The following ZFP2 variants were observed in gnomAD, a reference collection of about 807,000 sequenced individuals.
ZFP2 encodes the protein ZFP2 zinc finger protein, also known as zinc finger protein ZFP2.
In ZFP2, 33 loss-of-function variants were observed where a neutral mutation model predicts 36.1. That is an observed-to-expected ratio of 0.92 (90% CI 0.69 to 1.22). The LOEUF (loss-of-function observed/expected upper bound fraction) is 1.22, where lower values mean the gene tolerates loss of function less well. ZFP2 is among the 50% of genes most tolerant of loss of function. ZFP2 has a pLI of 0.00. For missense variants in ZFP2, 522 were observed against 551.4 expected (o/e 0.95, Z 0.53); for synonymous variants, 170 against 178.0 (o/e 0.96, Z 0.36).
intron 1 of ZFP2, chr5:178,910,588 G>C: frequency 2.2e-6 from 1 of 461,430 alleles, no homozygotes; most frequent in South Asian, 1.8e-5. Context: ...TCTTACACTT[G>C]GTGACACACT....
intron 1 of ZFP2, among the ~76,000 whole-genome samples, chr5:178,904,602 T>G (rs1758128393): frequency 6.6e-6 from 1 of 150,824 alleles, no homozygotes; most frequent in African/African-American, 2.4e-5. Flanking sequence ...TTTTTAAAAT[T>G]TATATATATG....
rs1007929077 is a variant in ZFP2, at chr5:178,931,453, G to A, written c.140G>A (p.Gly47Glu). 1.2e-6 allele frequency: 2 copies of A among 1,614,010 alleles called. No homozygotes were observed. Among genetic ancestry groups the A allele is most frequent in the South Asian group, 1.1e-5 (1 of 91,084 alleles). ...KETFTEMRVC[G>E]GNEFERCSSQ... ...ACCTTCACTGAGATGAGAGTATGTGGAGGTAATGAATTTGAAAGATGTTCC... is the reference window on the plus strand; with the variant it reads ...ACCTTCACTGAGATGAGAGTATGTGAAGGTAATGAATTTGAAAGATGTTCC... The change falls in exon 5 of 5, where the codon GGA (glycine) becomes GAA (glutamate). Residue 47 changes from glycine (G) to glutamate (E), a missense_variant. Coordinates refer to ENST00000361362, the MANE Select transcript of ZFP2 (RefSeq NM_030613.4).
At chr5:178,915,203 G>A (rs1758393762) in intron 3 of ZFP2, among the ~76,000 whole-genome samples, 2 of 151,610 alleles carry the variant, frequency 1.3e-5, no homozygotes, top group Non-Finnish European at 2.9e-5. Context: ...TTGTCATTCT[G>A]GTGGGTTTTC....
At chr5:178,897,643 AAT>A (rs768354565) in intron 1 of ZFP2, among the ~76,000 whole-genome samples, 2 of 152,154 alleles carry the variant, frequency 1.3e-5, no homozygotes, top group African/African-American at 4.8e-5. Flanking sequence ...TCTTGAATGA[AAT>A]ATATATATAC....
At chr5:178,907,365 T>C (rs1758187896) in intron 1 of ZFP2, among the ~76,000 whole-genome samples, 1 of 151,340 alleles carries the variant, frequency 6.6e-6, no homozygotes, top group African/African-American at 2.4e-5. Context: ...ATATTTTATA[T>C]ATGTATATAT....
chr5:178,914,604 A>G (rs1384168254), intron 3 of ZFP2, among the ~76,000 whole-genome samples: 1 of 152,038 alleles, frequency 6.6e-6, no homozygotes, highest in Non-Finnish European at 1.5e-5. Flanking sequence ...ACAGCAGGCA[A>G]AGTGTTTTTG....
At chr5:178,907,261 C>T (rs1561679037) in intron 1 of ZFP2, among the ~76,000 whole-genome samples, 1 of 152,058 alleles carries the variant, frequency 6.6e-6, no homozygotes, top group Non-Finnish European at 1.5e-5. Flanking sequence ...AGGCAGCTCC[C>T]TCTTTTATGG....
intron 1 of ZFP2, among the ~76,000 whole-genome samples, chr5:178,903,324 T>C (rs1331814650): frequency 6.6e-6 from 1 of 152,220 alleles, no homozygotes; most frequent in East Asian, 1.9e-4. Flanking sequence ...TTAAATTTAA[T>C]ATTTTTTTGA....
chr5:178,930,229 C>A (rs1478091026), intron 4 of ZFP2, among the ~76,000 whole-genome samples: 2 of 151,586 alleles, frequency 1.3e-5, no homozygotes, highest in Non-Finnish European at 2.9e-5. Context: ...CCAAACTATA[C>A]CACCTAGATT....
At chr5:178,929,953 G>GGGGC (rs1758789148) in intron 4 of ZFP2, among the ~76,000 whole-genome samples, 1 of 146,050 alleles carries the variant, frequency 6.8e-6, no homozygotes. Context: ...GGGGGGGGGG[G>GGGGC]CTCAGGAGGC....
intron 4 of ZFP2, among the ~76,000 whole-genome samples, chr5:178,921,436 G>A: frequency 7.8e-6 from 1 of 128,624 alleles, no homozygotes; most frequent in Non-Finnish European, 1.9e-5. Flanking sequence ...ACCCTTCTTG[G>A]GACCACAGAT....
intron 4 of ZFP2, among the ~76,000 whole-genome samples, chr5:178,928,028 C>T (rs976186920): frequency 6.6e-6 from 1 of 151,700 alleles, no homozygotes; most frequent in Non-Finnish European, 1.5e-5. Context: ...AGGTGCTACA[C>T]ACTTTTAAGT....
At chr5:178,899,899 A>G (rs1758020859) in intron 1 of ZFP2, among the ~76,000 whole-genome samples, 1 of 151,938 alleles carries the variant, frequency 6.6e-6, no homozygotes, top group African/African-American at 2.4e-5. Flanking sequence ...TCACTTGTTT[A>G]TTTATTAGAG....
chr5:178,912,377 T>C (rs1041147532), intron 1 of ZFP2, among the ~76,000 whole-genome samples: 1 of 152,162 alleles, frequency 6.6e-6, no homozygotes, highest in South Asian at 2.1e-4. Context: ...TCCTTATTTC[T>C]CACTTATACC....
At chr5:178,920,032 A>G (rs548084968) in intron 4 of ZFP2, among the ~76,000 whole-genome samples, 6 of 152,212 alleles carry the variant, frequency 3.9e-5, no homozygotes, top group Non-Finnish European at 7.4e-5. Flanking sequence ...CCCTGTTCCT[A>G]TAGGTTGAAA....
Position 178,914,395 on chromosome 5 carries a change from A to G in ZFP2, c.-224+1324A>G, listed in dbSNP as rs541057180. On this transcript the variant is annotated intron_variant, in intron 3 of 4. Coordinates refer to ENST00000361362, the MANE Select transcript of ZFP2 (RefSeq NM_030613.4). ...TATCCATTTTTTATGGTCTTGCTAC[A>G]TATTGCACTGCTTTAGATACTATTT... Among the ~76,000 whole-genome samples, 273 of 152,260 alleles carry G rather than the reference A, an allele frequency of 1.8e-3. 2 individuals carry two copies. The highest frequency in any genetic ancestry group is 3.4e-3 in the Middle Eastern group (1 of 294).
intron 4 of ZFP2, among the ~76,000 whole-genome samples, chr5:178,921,727 G>T (rs1487139831): frequency 6.7e-6 from 1 of 149,384 alleles, no homozygotes; most frequent in Admixed American, 6.7e-5. Context: ...TAGTACAGAA[G>T]ACAGCTGAGG....
At chr5:178,922,516 G>C in intron 4 of ZFP2, 1 of 1,383,880 alleles carries the variant, frequency 7.2e-7, no homozygotes, top group African/African-American at 1.4e-5. Flanking sequence ...CATCCATATG[G>C]GAGAATAGTC....
At chr5:178,909,629 A>G in intron 1 of ZFP2, 1 of 1,355,866 alleles carries the variant, frequency 7.4e-7, no homozygotes, top group African/African-American at 1.5e-5. Context: ...ATCTTCAGTA[A>G]TTTCCCAAAA....
Sources: allele counts gnomAD v4.1 joint callset (sites outside exome capture counted in the v4.1 genomes callset), GRCh38; gene constraint gnomAD v4.1.1; transcripts MANE v1.5; gene names NCBI Gene and HGNC (gene_info 2026-07-23, HGNC 2026-07-21).